The following MTSS1 variants were observed in gnomAD, a reference collection of about 807,000 sequenced individuals.
MTSS1 encodes the protein protein MTSS 1.
Under a neutral mutation model 79.0 loss-of-function variants are expected in MTSS1, and 18 were observed. That is an observed-to-expected ratio of 0.23 (90% CI 0.16 to 0.34). The LOEUF (loss-of-function observed/expected upper bound fraction) is 0.34. Ranked by LOEUF, MTSS1 falls within the 10% of genes least tolerant of loss-of-function variation. The pLI, the probability that MTSS1 is intolerant of heterozygous loss-of-function variation, is 1.00. For synonymous variants in MTSS1, 341 were observed against 368.6 expected (o/e 0.93, Z 0.86); for missense variants, 815 against 986.2 (o/e 0.83, Z 2.33).
intron 4 of MTSS1, among the ~76,000 whole-genome samples, chr8:124,590,284 C>A (rs1233294314): frequency 6.6e-6 from 1 of 152,182 alleles, no homozygotes; most frequent in African/African-American, 2.4e-5. Flanking sequence ...ACAGGGGTCA[C>A]CCCTCTGAGA....
At chr8:124,624,842 C>A (rs1449452933) in intron 3 of MTSS1, among the ~76,000 whole-genome samples, 1 of 152,214 alleles carries the variant, frequency 6.6e-6, no homozygotes. Context: ...GAGGTCTGCA[C>A]ACAAAGCTGT....
intron 3 of MTSS1, among the ~76,000 whole-genome samples, chr8:124,606,548 C>G (rs1410603290): frequency 6.6e-6 from 1 of 152,154 alleles, no homozygotes; most frequent in African/African-American, 2.4e-5. Flanking sequence ...GAATTTACAT[C>G]CAGGGCTGAG....
intron 3 of MTSS1, 35 bp downstream of exon 3, chr8:124,699,491 C>T (rs1323194878): frequency 6.3e-7 from 1 of 1,599,664 alleles, no homozygotes; most frequent in Non-Finnish European, 8.6e-7. Flanking sequence ...GTGCAGAATG[C>T]AGTTAACACT....
intron 3 of MTSS1, among the ~76,000 whole-genome samples, chr8:124,632,710 C>T (rs1341146860): frequency 6.6e-6 from 1 of 152,136 alleles, no homozygotes; most frequent in Non-Finnish European, 1.5e-5. Flanking sequence ...CTCTGTTGCC[C>T]AGGCTGGAGT....
chr8:124,660,017 A>G (rs1445965040), intron 3 of MTSS1, among the ~76,000 whole-genome samples: 1 of 151,936 alleles, frequency 6.6e-6, no homozygotes, highest in East Asian at 1.9e-4. Context: ...ATAGAGTATT[A>G]GAAGCAGTCT....
At chr8:124,630,359 G>A (rs1192347196) in intron 3 of MTSS1, among the ~76,000 whole-genome samples, 2 of 152,052 alleles carry the variant, frequency 1.3e-5, no homozygotes, top group African/African-American at 4.8e-5. Context: ...CCACATGGGA[G>A]GAAAGGTGGG....
intron 3 of MTSS1, among the ~76,000 whole-genome samples, chr8:124,596,001 A>G (rs931557669): frequency 3.3e-5 from 5 of 152,198 alleles, no homozygotes; most frequent in African/African-American, 1.2e-4. Context: ...ACAGGCCACA[A>G]ACAAGGAAGC....
intron 3 of MTSS1, among the ~76,000 whole-genome samples, chr8:124,636,188 G>T (rs1816959998): frequency 6.6e-6 from 1 of 152,134 alleles, no homozygotes; most frequent in South Asian, 2.1e-4. Flanking sequence ...GGAGTGCAGT[G>T]GCACGATCTC....
At chr8:124,629,842 C>A (rs563775367) in intron 3 of MTSS1, among the ~76,000 whole-genome samples, 2 of 152,164 alleles carry the variant, frequency 1.3e-5, no homozygotes, top group Non-Finnish European at 2.9e-5. Flanking sequence ...GTGAATCATC[C>A]GAATAACCAG....
At chr8:124,581,008 C>A (rs1049314753) in intron 6 of MTSS1, among the ~76,000 whole-genome samples, 1 of 152,122 alleles carries the variant, frequency 6.6e-6, no homozygotes, top group East Asian at 1.9e-4. Context: ...TGTAGTATAA[C>A]AGCAAATACT....
At chr8:124,584,190 A>C (rs1294499030) in intron 6 of MTSS1, among the ~76,000 whole-genome samples, 1 of 152,186 alleles carries the variant, frequency 6.6e-6, no homozygotes, top group Non-Finnish European at 1.5e-5. Context: ...CCAACAGAGA[A>C]CGCTGGTTTA....
At position 124,662,978 on chromosome 8, in the gene MTSS1, C is replaced by T. The variant is rs1037184512; in HGVS notation, c.208+36548G>A. ...TTTCCTGATTGTTTTCTCCAGGTAA[C>T]CAAGGGGCAGCTGCTCTCCTTTAGC... On this transcript the variant is annotated intron_variant, in intron 3 of 13. Coordinates refer to ENST00000518547, the MANE Select transcript of MTSS1 (RefSeq NM_014751.6). 6.6e-5 allele frequency among the ~76,000 whole-genome samples: 10 copies of T among 152,204 alleles called. No homozygotes were observed. In the East Asian group the frequency reaches 1.7e-3, roughly 27 times the overall value.
rs528393575 is a variant in MTSS1, at chr8:124,629,340, C to A, written c.209-38105G>T. Among the ~76,000 whole-genome samples, 5 of 151,592 alleles carry A rather than the reference C, an allele frequency of 3.3e-5. No individual in the cohort carries two copies. The South Asian group carries it at 1.0e-3, about 32-fold the overall frequency. On this transcript the variant is annotated intron_variant, in intron 3 of 13. Transcript: ENST00000518547. The stretch of plus-strand genomic sequence containing the variant: ...CCATGCTGGCTAACACGGTGAAACC[C>A]AGTCTCTACTAAAAAAAATACAAAA...
intron 6 of MTSS1, among the ~76,000 whole-genome samples, chr8:124,575,562 G>A (rs1274866280): frequency 1.0e-5 from 1 of 99,854 alleles, no homozygotes; most frequent in African/African-American, 3.1e-5. Flanking sequence ...AGTATGCAGG[G>A]TAGGGTGGGT....
rs1367180702 is a variant in MTSS1 at position 124,582,989 on chromosome 8, C to T, written c.460+2098G>A. On this transcript the variant is annotated intron_variant, in intron 6 of 13. Coordinates refer to ENST00000518547, the MANE Select transcript of MTSS1 (RefSeq NM_014751.6). This position sits in a 1 kb window ranked among gnomAD's most constrained non-coding sequence, Gnocchi z 4.8. ...TACAAATAGAACACCTGGTCCAAAACTGCACTTACTGATTTTAGAAAAAAA... is the reference window on the plus strand; with the variant it reads ...TACAAATAGAACACCTGGTCCAAAATTGCACTTACTGATTTTAGAAAAAAA... Among the ~76,000 whole-genome samples the T allele has an allele frequency of 6.6e-6, 1 of 152,216 alleles. No individual in the cohort carries two copies. The highest frequency in any genetic ancestry group is 1.5e-5 in the Non-Finnish European group (1 of 68,034).
chr8:124,556,678 C>G (rs1823884773), intron 11 of MTSS1: 1 of 479,708 alleles, frequency 2.1e-6, no homozygotes, highest in Non-Finnish European at 3.7e-6. Context: ...GACCCGGCAG[C>G]CACCTAACAG....
chr8:124,618,205 C>A (rs1201624963), intron 3 of MTSS1, among the ~76,000 whole-genome samples: 3 of 152,256 alleles, frequency 2.0e-5, no homozygotes, highest in Non-Finnish European at 2.9e-5. Flanking sequence ...GACTCCTCAG[C>A]CTTTATAACC....
At chr8:124,567,731 C>T in intron 7 of MTSS1, 2 of 1,517,082 alleles carry the variant, frequency 1.3e-6, no homozygotes, top group Non-Finnish European at 1.8e-6. Flanking sequence ...CAAGTTGGGA[C>T]CACGGGCCGG....
chr8:124,679,907 T>G (rs1825864106), intron 3 of MTSS1, among the ~76,000 whole-genome samples: 1 of 152,234 alleles, frequency 6.6e-6, no homozygotes, highest in African/African-American at 2.4e-5. Flanking sequence ...TACCCTCAAA[T>G]GGAATTATTC....
Sources: allele counts gnomAD v4.1 joint callset (sites outside exome capture counted in the v4.1 genomes callset), GRCh38; gene constraint gnomAD v4.1.1; non-coding constraint Gnocchi (gnomAD v3.1); transcripts MANE v1.5; gene names NCBI Gene and HGNC (gene_info 2026-07-23, HGNC 2026-07-21).